OPCML: variants seen among roughly 807,000 people sequenced by gnomAD.
The protein encoded by OPCML is opioid-binding protein/cell adhesion molecule.
In OPCML, 13 loss-of-function variants were observed where a neutral mutation model predicts 37.8. The ratio of observed to expected loss-of-function variants is 0.34; its 90% CI spans 0.22 to 0.55. OPCML has a LOEUF of 0.55. Among genes scored for constraint, OPCML ranks in the 20% least tolerant of loss-of-function variants. OPCML has a pLI of 0.91. For synonymous variants in OPCML, 176 were observed against 168.8 expected, an observed-to-expected ratio of 1.04 and a Z score of -0.33; for missense variants, 341 against 435.6, an observed-to-expected ratio of 0.78 and a Z score of 1.93.
chr11:133,044,280 T>C (rs1227207613), intron 1 of OPCML, among the ~76,000 whole-genome samples: 1 of 152,034 alleles, frequency 6.6e-6, no homozygotes, highest in Non-Finnish European at 1.5e-5. Context: ...AGATAGTAAA[T>C]GTAGAGATTC....
intron 3 of OPCML, among the ~76,000 whole-genome samples, chr11:132,600,839 C>CTTTTTTTTT (rs145586468): frequency 1.2e-4 from 11 of 94,536 alleles, no homozygotes; most frequent in South Asian, 4.2e-4. Flanking sequence ...AAATAGTTAA[C>CTTTTTTTTT]TTTTTTTTTT....
rs1032931014 is a variant in OPCML at position 133,394,999 on chromosome 11, C to G, written c.61+137265G>C. On this transcript the variant is annotated intron_variant, in intron 1 of 7. Coordinates refer to ENST00000524381, the MANE Select transcript of OPCML (RefSeq NM_001012393.5). ...AATTTACATTCCCACTGACAGTGTA[C>G]AAGGGTTCCCTTTTTTCCACATCCT... Among the ~76,000 whole-genome samples the G allele has an allele frequency of 3.9e-5, 6 of 152,188 alleles. No homozygotes were observed. In the South Asian group the frequency reaches 6.2e-4, roughly 16 times the overall value.
At chr11:132,799,771 A>G (rs911738754) in intron 2 of OPCML, among the ~76,000 whole-genome samples, 1 of 152,140 alleles carries the variant, frequency 6.6e-6, no homozygotes, top group South Asian at 2.1e-4. Flanking sequence ...GCTCAGTAAA[A>G]TGAAGGATGC....
At chr11:133,423,208 C>T (rs373113966) in intron 1 of OPCML, 23 of 985,146 alleles carry the variant, frequency 2.3e-5, no homozygotes, top group South Asian at 4.7e-5. Context: ...CTCAATCATC[C>T]CCTTGATCAT....
intron 3 of OPCML, among the ~76,000 whole-genome samples, chr11:132,613,547 T>G (rs1938797738): frequency 6.6e-6 from 1 of 152,156 alleles, no homozygotes; most frequent in Admixed American, 6.5e-5. Context: ...AAGAAACACT[T>G]CAAAGAAAAC....
chr11:132,698,139 A>G (rs574449526), intron 2 of OPCML, among the ~76,000 whole-genome samples: 98 of 151,914 alleles, frequency 6.5e-4, no homozygotes, highest in African/African-American at 2.2e-3. Context: ...CCTGATTTCA[A>G]TTTTTGAGGG....
At chr11:133,485,449 C>T (rs1218674768) in intron 1 of OPCML, among the ~76,000 whole-genome samples, 3 of 152,128 alleles carry the variant, frequency 2.0e-5, no homozygotes, top group African/African-American at 4.8e-5. Context: ...AAAAGCTACC[C>T]TTTTCACTGG....
At chr11:132,552,316 G>A (rs2096383590) in intron 3 of OPCML, among the ~76,000 whole-genome samples, 1 of 152,190 alleles carries the variant, frequency 6.6e-6, no homozygotes. Flanking sequence ...CCCCATTCAT[G>A]TGACAGACTT....
chr11:132,741,852 C>A (rs934714011), intron 2 of OPCML, among the ~76,000 whole-genome samples: 1 of 151,614 alleles, frequency 6.6e-6, no homozygotes, highest in African/African-American at 2.4e-5. Flanking sequence ...CATGAAGAAA[C>A]CCCGTCTCTA....
intron 3 of OPCML, among the ~76,000 whole-genome samples, chr11:132,554,319 G>A (rs935905873): frequency 1.3e-5 from 2 of 152,160 alleles, no homozygotes; most frequent in Non-Finnish European, 2.9e-5. Flanking sequence ...CTCCCACATC[G>A]CCCTAAAGGC....
chr11:133,061,374 T>G (rs527782082), intron 1 of OPCML, among the ~76,000 whole-genome samples: 42 of 152,290 alleles, frequency 2.8e-4, no homozygotes, highest in African/African-American at 1.0e-3. Flanking sequence ...GCAGTGGATG[T>G]GTTTTGCTTC....
chr11:132,675,668 G>T (rs1402218123), intron 2 of OPCML, among the ~76,000 whole-genome samples: 1 of 151,892 alleles, frequency 6.6e-6, no homozygotes, highest in Admixed American at 6.6e-5. Context: ...TGAAAATGAA[G>T]TTAAGAAATC....
chr11:132,974,109 C>A (rs1464382458), intron 1 of OPCML, among the ~76,000 whole-genome samples: 1 of 152,204 alleles, frequency 6.6e-6, no homozygotes, highest in Non-Finnish European at 1.5e-5. Flanking sequence ...ATCTTGATGT[C>A]TCAGGAAAAT....
chr11:133,440,534 C>T (rs1273865348), intron 1 of OPCML, among the ~76,000 whole-genome samples: 1 of 151,418 alleles, frequency 6.6e-6, no homozygotes. Context: ...CAAGACCAGA[C>T]TGACCAACAT....
At chr11:133,031,089 G>C (rs1665966114) in intron 1 of OPCML, among the ~76,000 whole-genome samples, 1 of 152,154 alleles carries the variant, frequency 6.6e-6, no homozygotes, top group Non-Finnish European at 1.5e-5. Context: ...AAAACATGAT[G>C]GTTTACTCAG....
Position 133,098,298 on chromosome 11 carries a change from C to T in OPCML, c.62-155288G>A, listed in dbSNP as rs1357241906. On this transcript the variant is annotated intron_variant, in intron 1 of 7. Transcript: ENST00000524381. ...TGGCACGATCTTGGCTCACTGCAAGCTCTGCCTCCCGCGTTCATGCCATTC... is the reference window on the plus strand; with the variant it reads ...TGGCACGATCTTGGCTCACTGCAAGTTCTGCCTCCCGCGTTCATGCCATTC... Among the ~76,000 whole-genome samples the T allele has an allele frequency of 2.7e-5, 4 of 150,554 alleles. No homozygotes were observed. The East Asian group carries it at 5.9e-4, about 22-fold the overall frequency.
intron 2 of OPCML, among the ~76,000 whole-genome samples, chr11:132,824,276 T>C (rs1473407288): frequency 2.0e-5 from 3 of 152,320 alleles, no homozygotes; most frequent in South Asian, 4.2e-4. Flanking sequence ...AAAAAGTTAA[T>C]CATCACCATT....
At chr11:133,416,635 A>G (rs1330644357) in intron 1 of OPCML, among the ~76,000 whole-genome samples, 1 of 152,112 alleles carries the variant, frequency 6.6e-6, no homozygotes, top group African/African-American at 2.4e-5. Flanking sequence ...TCTCTCTTCT[A>G]CCTACACCTC....
chr11:132,763,687 C>T (rs1258483927), intron 2 of OPCML, among the ~76,000 whole-genome samples: 2 of 152,182 alleles, frequency 1.3e-5, no homozygotes, highest in Non-Finnish European at 2.9e-5. Context: ...CAGACAGACA[C>T]AGTGCTGCTG....
Sources: allele counts gnomAD v4.1 joint callset (sites outside exome capture counted in the v4.1 genomes callset), GRCh38; gene constraint gnomAD v4.1.1; transcripts MANE v1.5; gene names NCBI Gene and HGNC (gene_info 2026-07-23, HGNC 2026-07-21).